The following COL20A1 variants were observed in gnomAD, a reference collection of about 807,000 sequenced individuals.
COL20A1 encodes the protein collagen type XX alpha 1 chain.
A neutral mutation model predicts 152.9 loss-of-function variants in COL20A1; 164 were observed. That is an observed-to-expected ratio of 1.07 (90% CI 0.94 to 1.22). The LOEUF (loss-of-function observed/expected upper bound fraction) is 1.22. Among genes scored for constraint, COL20A1 ranks in the 50% most tolerant of loss-of-function variants. The pLI is 0.00. For missense variants in COL20A1, 1,873 were observed against 1,744.8 expected (o/e 1.07, Z -1.31); for synonymous variants, 864 against 756.0 (o/e 1.14, Z -2.34).
chr20:63,326,136 C>T lies in COL20A1; in HGVS notation c.3443C>T (p.Pro1148Leu). The change falls in exon 30 of 36, where the codon CCC becomes CTC. Residue 1148 changes from proline to leucine, a missense_variant. Physicochemically the swap from Pro to Leu is moderately conservative, Grantham distance 98 (BLOSUM62 -3). Coordinates refer to ENST00000358894, the MANE Select transcript of COL20A1 (RefSeq NM_020882.4). Reference sequence around the variant, plus strand: ...GAGGGAACTGCTGGCCTGCCTGGACCCCCTGGCCCCAGGGTAGGCACCGAC... The same window carrying T: ...GAGGGAACTGCTGGCCTGCCTGGACTCCCTGGCCCCAGGGTAGGCACCGAC... Reference protein sequence around the residue: ...GLEGTAGLPGPPGPRGFQGMA... With the variant: ...GLEGTAGLPGLPGPRGFQGMA... 1 of 1,612,116 alleles carries T rather than the reference C, an allele frequency of 6.2e-7. No homozygotes were observed.
chr20:63,320,243 G>A, intron 24 of COL20A1, 46 bp downstream of exon 24: 2 of 1,604,552 alleles, frequency 1.2e-6, no homozygotes, highest in South Asian at 2.2e-5. Context: ...GGTGGGGGCT[G>A]GCAGCCTCTC....
intron 2 of COL20A1, among the ~76,000 whole-genome samples, chr20:63,297,081 A>G (rs1166925041): frequency 2.0e-5 from 3 of 152,164 alleles, no homozygotes; most frequent in African/African-American, 7.2e-5. Flanking sequence ...GCATGGACGC[A>G]CACATGTACC....
intron 14 of COL20A1, 99 bp from the exon 15 acceptor site, chr20:63,312,321 G>T (rs927262257): frequency 2.2e-5 from 29 of 1,334,774 alleles, no homozygotes; most frequent in Non-Finnish European, 2.6e-5. Flanking sequence ...GGGGGGTCGT[G>T]GGGTAGTCCT....
chr20:63,310,009 A>C, intron 10 of COL20A1, 94 bp downstream of exon 10: 1 of 1,160,610 alleles, frequency 8.6e-7, no homozygotes, highest in Non-Finnish European at 1.2e-6. Context: ...AGGCCCACAA[A>C]TAACTGGGTC....
At chr20:63,295,062 G>T in intron 1 of COL20A1, 36 bp from the exon 2 acceptor site, 2 of 1,367,084 alleles carry the variant, frequency 1.5e-6, no homozygotes, top group Non-Finnish European at 2.0e-6. Flanking sequence ...ACAGACGGGG[G>T]GACGGCTGAA....
chr20:63,309,126 C>A (rs1217044579), intron 8 of COL20A1, among the ~76,000 whole-genome samples: 1 of 152,186 alleles, frequency 6.6e-6, no homozygotes, highest in Non-Finnish European at 1.5e-5. Flanking sequence ...CCCCAGATTT[C>A]GAGGCAGGAG....
Position 63,308,053 on chromosome 20 carries a change from G to C in COL20A1, c.738G>C (p.Val246=). ...LSTKEQVLAA[V]RRLRYKGGNT... ...CCAAGGAACAGGTGCTGGCAGCTGTGCGCCGCCTCCGCTACAAGGGGGGGA... is the reference window on the plus strand; with the variant it reads ...CCAAGGAACAGGTGCTGGCAGCTGTCCGCCGCCTCCGCTACAAGGGGGGGA... Residue 246 remains valine, a synonymous_variant, in exon 7 of 36, where the codon GTG becomes GTC. Coordinates refer to ENST00000358894, the MANE Select transcript of COL20A1 (RefSeq NM_020882.4). The C allele has an allele frequency of 6.2e-7, 1 of 1,612,450 alleles. No homozygotes were observed. Among genetic ancestry groups the C allele is most frequent in the Middle Eastern group, 1.7e-4 (1 of 6,058 alleles).
In COL20A1 at chr20:63,309,375, C is replaced by A. The variant is rs1239032171; in HGVS notation, c.983C>A (p.Ser328Tyr). 2 of 1,542,776 alleles carry A rather than the reference C, an allele frequency of 1.3e-6. No individual in the cohort carries two copies. The highest frequency in any genetic ancestry group is 4.9e-5 in the East Asian group (2 of 40,884). Residue 328 changes from serine (S) to tyrosine (Y), a missense_variant, in exon 9 of 36, where the codon TCC becomes TAC. By Grantham distance (144) the Ser-to-Tyr change is moderately radical. Transcript: ENST00000358894. Reference protein sequence around the residue: ...ADEAELRLLASPPRDITVHSV... With the variant: ...ADEAELRLLAYPPRDITVHSV... ...GAGGCTGAGCTGAGGCTCCTGGCGT[C>A]CCCGCCGAGGGACATCACCGTCCAC... is the stretch of plus-strand genomic sequence containing the variant.
At position 63,319,939 on chromosome 20, in the gene COL20A1, C is replaced by G. The variant is rs1250625352; in HGVS notation, c.2917-100C>G. On this transcript the variant is annotated intron_variant, in intron 23 of 35. Transcript: ENST00000358894. This position sits in a 1 kb window ranked among gnomAD's most constrained non-coding sequence, Gnocchi z 4.4. ...AGGTCAGGTTCCTGACCCCAGGTCC[C>G]AGGGATGGGTGTTACTCCCCAGCCC... 1.7e-6 allele frequency: 2 copies of G among 1,206,176 alleles called. No individual in the cohort carries two copies. The highest frequency in any genetic ancestry group is 2.3e-6 in the Non-Finnish European group (2 of 877,652). 74.7% of individuals were successfully genotyped at this position (1,206,176 alleles called of 1,614,324 possible).
Position 63,314,158 on chromosome 20 carries a change from T to C in COL20A1, c.2445T>C (p.Tyr815=), listed in dbSNP as rs767330623. The C allele has an allele frequency of 1.8e-5, 28 of 1,591,700 alleles. No homozygotes were observed. The Admixed American group carries it at 4.8e-4, about 27-fold the overall frequency. The change falls in exon 19 of 36, where the codon TAT becomes TAC. Residue 815 remains tyrosine, a synonymous_variant. Transcript: ENST00000358894. Reference sequence around the variant, plus strand: ...ACAGGGTCCTGGTCTCAGCTATCTATGCAGCAGGCAGGAGTGAGGCTGTGT... The same window carrying C: ...ACAGGGTCCTGGTCTCAGCTATCTACGCAGCAGGCAGGAGTGAGGCTGTGT... ...TKYRVLVSAI[Y]AAGRSEAVSA...
intron 3 of COL20A1, among the ~76,000 whole-genome samples, chr20:63,304,083 C>T (rs544015748): frequency 1.8e-3 from 251 of 139,656 alleles, no homozygotes; most frequent in African/African-American, 6.3e-3. Flanking sequence ...GTGGGCTCCT[C>T]CCTCCTCTTC....
At chr20:63,327,689 C>T (rs1470199328) in intron 31 of COL20A1, 1 of 549,886 alleles carries the variant, frequency 1.8e-6, no homozygotes. Flanking sequence ...ACAAAATCTA[C>T]AGCCAGAGGC....
At chr20:63,297,354 G>T (rs566034825) in intron 2 of COL20A1, among the ~76,000 whole-genome samples, 26 of 149,846 alleles carry the variant, frequency 1.7e-4, no homozygotes, top group African/African-American at 6.4e-4. Context: ...CAGCCCAGGG[G>T]ACCCAGCTCA....
intron 31 of COL20A1, chr20:63,327,128 C>T (rs894444641): frequency 4.8e-5 from 16 of 334,104 alleles, no homozygotes; most frequent in Admixed American, 1.0e-4. Flanking sequence ...TTCCTGTTTA[C>T]CACTCAGGGA....
chr20:63,316,364 G>A (rs1334845420), intron 20 of COL20A1, among the ~76,000 whole-genome samples, 189 bp from the exon 21 acceptor site: 1 of 151,974 alleles, frequency 6.6e-6, no homozygotes, highest in African/African-American at 2.4e-5. Context: ...CCCAGCCCAG[G>A]GCCTGAAGCA....
intron 21 of COL20A1, among the ~76,000 whole-genome samples, chr20:63,318,511 G>A (rs2068113882): frequency 6.6e-6 from 1 of 152,170 alleles, no homozygotes; most frequent in South Asian, 2.1e-4. Flanking sequence ...GCTGGGCACT[G>A]GCCAGGACCC....
At chr20:63,295,504 C>T (rs1193430346) in intron 2 of COL20A1, among the ~76,000 whole-genome samples, 1 of 152,216 alleles carries the variant, frequency 6.6e-6, no homozygotes, top group East Asian at 1.9e-4. Flanking sequence ...ATGGAGCCGC[C>T]TTCCCTTCCC....
intron 34 of COL20A1, among the ~76,000 whole-genome samples, chr20:63,328,824 CCCTCCTGT>C (rs1164496604): frequency 9.9e-5 from 15 of 151,074 alleles, no homozygotes; most frequent in Non-Finnish European, 1.6e-4. Flanking sequence ...CGCCCTCCCG[CCCTCCTGT>C]CCTCCTTGTC....
Position 63,319,431 on chromosome 20 carries a change from G to A in COL20A1, c.2807-56G>A, listed in dbSNP as rs980691123. 27 of 1,375,358 alleles carry A rather than the reference G, an allele frequency of 2.0e-5. No homozygotes were observed. The South Asian group carries it at 3.2e-4, about 16-fold the overall frequency. 85.2% of individuals were successfully genotyped at this position (1,375,358 alleles called of 1,614,324 possible). A position where few individuals can be genotyped will look rare whatever the true frequency, so the allele number is the denominator to read the frequency against. ...TGTCGTGGGGGCCGCCCTGCTCAAG[G>A]TATAGGCCCGGCTGGTTGCAGCCCG... On this transcript the variant is annotated intron_variant, in intron 22 of 35. Coordinates refer to ENST00000358894, the MANE Select transcript of COL20A1 (RefSeq NM_020882.4). The surrounding 1 kb of genome is among the most constrained non-coding windows in gnomAD (Gnocchi z 4.4).
Sources: allele counts gnomAD v4.1 joint callset (sites outside exome capture counted in the v4.1 genomes callset), GRCh38; gene constraint gnomAD v4.1.1; non-coding constraint Gnocchi (gnomAD v3.1); transcripts MANE v1.5; gene names NCBI Gene and HGNC (gene_info 2026-07-23, HGNC 2026-07-21).